Variants in JPH3 observed in about 807,000 individuals in gnomAD.
JPH3 encodes the protein junctophilin-3.
In JPH3, 11 loss-of-function variants were observed where a neutral mutation model predicts 59.6. That is an observed-to-expected ratio of 0.18 (90% CI 0.12 to 0.31). JPH3 has a LOEUF of 0.31. Among genes scored for constraint, JPH3 ranks in the 10% least tolerant of loss-of-function variants. The probability of loss-of-function intolerance (pLI) is 1.00; values close to 1 mark genes in which losing one functional copy is unlikely to be tolerated. For synonymous variants in JPH3, 673 were observed against 483.6 expected, an observed-to-expected ratio of 1.39 and a Z score of -5.14; for missense variants, 1,202 against 1,105.7, an observed-to-expected ratio of 1.09 and a Z score of -1.24.
In JPH3 at chr16:87,644,792, C is replaced by T. The variant is rs767533433; in HGVS notation, c.917C>T (p.Ser306Leu). ...TCCGGCTTCGGCGTGAGCCAGCGCTCGGACGGGCTCAAGTACGAGGGCGAG... is the reference window on the plus strand; with the variant it reads ...TCCGGCTTCGGCGTGAGCCAGCGCTTGGACGGGCTCAAGTACGAGGGCGAG... ...KRSGFGVSQR[S>L]DGLKYEGEWA... is the part of the protein sequence containing the mutation. Residue 306 changes from serine (S) to leucine (L), a missense_variant, in exon 2 of 5, where the codon TCG becomes TTG. Transcript: ENST00000284262. 4.4e-5 allele frequency: 71 copies of T among 1,613,208 alleles called. No homozygotes were observed. The highest frequency in any genetic ancestry group is 5.8e-5 in the Non-Finnish European group (69 of 1,179,896).
At chr16:87,656,737 C>G (rs1223554948) in intron 2 of JPH3, among the ~76,000 whole-genome samples, 1 of 152,154 alleles carries the variant, frequency 6.6e-6, no homozygotes, top group Non-Finnish European at 1.5e-5. Context: ...TCGTCTCTCT[C>G]CTGGTGTCCG....
chr16:87,655,983 C>T (rs896363529), intron 2 of JPH3, among the ~76,000 whole-genome samples: 1 of 152,208 alleles, frequency 6.6e-6, no homozygotes, highest in African/African-American at 2.4e-5. Flanking sequence ...AGTGGGACTG[C>T]TGGGAGTGGG....
At position 87,691,241 on chromosome 16, in the gene JPH3, G is replaced by A. The variant is rs543032699; in HGVS notation, c.2166+715G>A. On this transcript the variant is annotated intron_variant, in intron 4 of 4. Coordinates refer to ENST00000284262, the MANE Select transcript of JPH3 (RefSeq NM_020655.4). ...CCTCACACAGGGCTGGCCTCCCCTTGAAGGGACCTTCACTCTGCAAATCCC... is the reference window on the plus strand; with the variant it reads ...CCTCACACAGGGCTGGCCTCCCCTTAAAGGGACCTTCACTCTGCAAATCCC... Among the ~76,000 whole-genome samples, 4 of 150,906 alleles carry A rather than the reference G, an allele frequency of 2.7e-5. No homozygotes were observed. In the South Asian group the frequency reaches 8.3e-4, roughly 31 times the overall value.
At chr16:87,685,321 A>G (rs184134002) in intron 3 of JPH3, among the ~76,000 whole-genome samples, 5 of 152,180 alleles carry the variant, frequency 3.3e-5, no homozygotes, top group Admixed American at 6.5e-5. Context: ...GGCAGCTTCT[A>G]TTCCACTGCG....
intron 1 of JPH3, among the ~76,000 whole-genome samples, chr16:87,643,764 T>C (rs1431795048): frequency 6.6e-6 from 1 of 152,168 alleles, no homozygotes; most frequent in Non-Finnish European, 1.5e-5. Flanking sequence ...TGGAGGTGTC[T>C]TCAAAAACAG....
At chr16:87,622,158 C>T (rs998514756) in intron 1 of JPH3, among the ~76,000 whole-genome samples, 1 of 152,184 alleles carries the variant, frequency 6.6e-6, no homozygotes, top group Non-Finnish European at 1.5e-5. Context: ...TGCCACCCCA[C>T]AAGCTACCTC....
rs1168563973 is a variant in JPH3 at position 87,602,533 on chromosome 16, C to T, written c.-614C>T. On this transcript the variant is annotated 5_prime_UTR_variant, in exon 1 of 5. Transcript: ENST00000284262. ...GAGCGCGCGAGCCGGGCCCGGAGCG[C>T]ACGCCGCCGCCGCCACCGCCGCCGC... is the stretch of plus-strand genomic sequence containing the variant. 7.2e-6 allele frequency among the ~76,000 whole-genome samples: 1 copy of T among 138,466 alleles called. No individual in the cohort carries two copies. The highest frequency in any genetic ancestry group is 2.6e-5 in the African/African-American group (1 of 38,630). 90.8% of individuals were successfully genotyped at this position (138,466 alleles called of 152,430 possible). A position where few individuals can be genotyped will look rare whatever the true frequency, so the allele number is the denominator to read the frequency against.
intron 2 of JPH3, chr16:87,653,801 AGAG>A (rs1289285463): frequency 6.6e-6 from 1 of 152,210 alleles, no homozygotes; most frequent in Non-Finnish European, 1.5e-5. Context: ...TGGTGTCCTT[AGAG>A]GAGAAGAGAC....
intron 2 of JPH3, among the ~76,000 whole-genome samples, chr16:87,665,031 TGGTC>T (rs2032818664): frequency 6.6e-6 from 1 of 152,230 alleles, no homozygotes; most frequent in Non-Finnish European, 1.5e-5. Context: ...GTTTGACAAA[TGGTC>T]GGTGCTCCTT....
At chr16:87,640,678 C>T (rs1166097973) in intron 1 of JPH3, among the ~76,000 whole-genome samples, 3 of 152,164 alleles carry the variant, frequency 2.0e-5, no homozygotes, top group Admixed American at 1.3e-4. Context: ...CAAGCATGAG[C>T]CACCCCACCC....
intron 2 of JPH3, among the ~76,000 whole-genome samples, chr16:87,670,616 G>A (rs1237645911): frequency 1.3e-5 from 2 of 152,242 alleles, no homozygotes; most frequent in Non-Finnish European, 2.9e-5. Flanking sequence ...AATCTCTGGA[G>A]CACCCACTGG....
intron 2 of JPH3, among the ~76,000 whole-genome samples, chr16:87,667,796 C>T (rs1475810420): frequency 2.6e-5 from 4 of 152,204 alleles, no homozygotes; most frequent in African/African-American, 7.2e-5. Flanking sequence ...ATACTCTTCT[C>T]TGTCTGTTTT....
chr16:87,671,923 AC>A (rs1376320500), intron 2 of JPH3, among the ~76,000 whole-genome samples: 1 of 152,112 alleles, frequency 6.6e-6, no homozygotes, highest in African/African-American at 2.4e-5. Flanking sequence ...AGCTTCTAAA[AC>A]CAGTTTTTAG....
intron 1 of JPH3, among the ~76,000 whole-genome samples, chr16:87,627,458 G>T (rs1223731962): frequency 1.3e-5 from 2 of 152,178 alleles, no homozygotes; most frequent in Non-Finnish European, 2.9e-5. Context: ...GACACACAGG[G>T]TGGGCCTCGT....
chr16:87,695,174 C>G (rs919518568), intron 4 of JPH3: 5 of 374,332 alleles, frequency 1.3e-5, no homozygotes, highest in Non-Finnish European at 2.6e-5. Flanking sequence ...AAGGGGGAGG[C>G]CCGTTGTTCG....
At chr16:87,695,787 A>C in intron 4 of JPH3, 1 of 456,044 alleles carries the variant, frequency 2.2e-6, no homozygotes, top group South Asian at 1.5e-5. Flanking sequence ...TCACTGCAGA[A>C]GGGCGCCCCC....
At position 87,648,895 on chromosome 16, in the gene JPH3, C is replaced by G. The variant is rs562176736; in HGVS notation, c.1160+3860C>G. Reference sequence around the variant, plus strand: ...GGGGGCCCCAGCACCTGCATGCTGACCTGGTCCCCAGGACGCAGATGCTGC... The same window carrying G: ...GGGGGCCCCAGCACCTGCATGCTGAGCTGGTCCCCAGGACGCAGATGCTGC... On this transcript the variant is annotated intron_variant, in intron 2 of 4. Transcript: ENST00000284262. Among the ~76,000 whole-genome samples the G allele has an allele frequency of 2.2e-4, 34 of 152,350 alleles. No homozygotes were observed. The South Asian group carries it at 6.6e-3, about 30-fold the overall frequency.
intron 1 of JPH3, chr16:87,604,583 G>A (rs1218873273): frequency 4.1e-6 from 5 of 1,230,668 alleles, no homozygotes; most frequent in African/African-American, 3.1e-5. Context: ...GGAGTGAGAC[G>A]CAGCAATGAC....
At chr16:87,614,114 C>T (rs1021675419) in intron 1 of JPH3, among the ~76,000 whole-genome samples, 16 of 152,230 alleles carry the variant, frequency 1.1e-4, no homozygotes, top group Non-Finnish European at 1.3e-4. Flanking sequence ...AATTTGTAAG[C>T]TTGGGGGACT....
Sources: allele counts gnomAD v4.1 joint callset (sites outside exome capture counted in the v4.1 genomes callset), GRCh38; gene constraint gnomAD v4.1.1; transcripts MANE v1.5; gene names NCBI Gene and HGNC (gene_info 2026-07-23, HGNC 2026-07-21).